The following BAZ2B variants were observed in gnomAD, a reference collection of about 807,000 sequenced individuals.
The protein encoded by BAZ2B is bromodomain adjacent to zinc finger domain 2B.
Under a neutral mutation model 246.0 loss-of-function variants are expected in BAZ2B, and 91 were observed. The observed-to-expected ratio is 0.37, with a 90% CI of 0.31 to 0.44. BAZ2B has a LOEUF of 0.44. Among genes scored for constraint, BAZ2B ranks in the 20% least tolerant of loss-of-function variants. The pLI is 1.00. For missense variants in BAZ2B, 2,332 were observed against 2,533.7 expected, an observed-to-expected ratio of 0.92 and a Z score of 1.71; for synonymous variants, 855 against 860.0, an observed-to-expected ratio of 0.99 and a Z score of 0.10.
chr2:159,484,139 A>T (rs1223003288), intron 2 of BAZ2B, among the ~76,000 whole-genome samples: 1 of 152,210 alleles, frequency 6.6e-6, no homozygotes, highest in African/African-American at 2.4e-5. Flanking sequence ...AATGGACAAG[A>T]AGAACAGTCT....
intron 2 of BAZ2B, among the ~76,000 whole-genome samples, chr2:159,509,137 T>C (rs1377854142): frequency 6.6e-6 from 1 of 152,072 alleles, no homozygotes; most frequent in Non-Finnish European, 1.5e-5. Context: ...CTCTCACTTA[T>C]AAAATATAAA....
At chr2:159,513,749 G>A (rs766223632) in intron 2 of BAZ2B, among the ~76,000 whole-genome samples, 1 of 152,092 alleles carries the variant, frequency 6.6e-6, no homozygotes, top group South Asian at 2.1e-4. Flanking sequence ...CTAACTGGTG[G>A]TCCATGACTC....
chr2:159,655,081 A>C, the BAZ2B span, among the ~76,000 whole-genome samples: 1 of 152,160 alleles, frequency 6.6e-6, no homozygotes, highest in Non-Finnish European at 1.5e-5. Flanking sequence ...CAATTAGTAC[A>C]GTGTAAGGAA....
intron 1 of BAZ2B, among the ~76,000 whole-genome samples, chr2:159,568,333 C>T (rs971460322): frequency 5.9e-5 from 9 of 151,966 alleles, no homozygotes; most frequent in African/African-American, 1.9e-4. Context: ...AGCATGCAGC[C>T]TTTCAACAAA....
In BAZ2B at chr2:159,564,612, ATAAT is replaced by A. The variant is rs1270873119; in HGVS notation, c.-45-8751_-45-8748del. On this transcript the variant is annotated intron_variant, in intron 1 of 36. Transcript: ENST00000392783. ...ATGACTAAACAAGAAAAAAAACAGA[ATAAT>A]TAAGGATGATTCCAAGGTTTTGGTC... Among the ~76,000 whole-genome samples the A allele has an allele frequency of 6.6e-5, 10 of 152,202 alleles. No individual in the cohort carries two copies. In the East Asian group the frequency reaches 9.6e-4, roughly 15 times the overall value.
At chr2:159,607,925 T>C (rs569073843) in intron 1 of BAZ2B, among the ~76,000 whole-genome samples, 5 of 152,330 alleles carry the variant, frequency 3.3e-5, no homozygotes, top group African/African-American at 9.6e-5. Context: ...GCTTAAAGAA[T>C]GAAGGTAGAT....
chr2:159,350,457 T>A, intron 27 of BAZ2B, 100 bp from the exon 28 acceptor site: 1 of 1,192,186 alleles, frequency 8.4e-7, no homozygotes, highest in Non-Finnish European at 1.1e-6. Context: ...GCATAAATAC[T>A]TAAACTTTTC....
the BAZ2B span, among the ~76,000 whole-genome samples, chr2:159,624,591 G>A: frequency 2.0e-5 from 3 of 152,318 alleles, no homozygotes; most frequent in East Asian, 1.9e-4. Flanking sequence ...CAGCAGAGGG[G>A]CCTGACTGTT....
chr2:159,384,690 T>A (rs1303055388), intron 23 of BAZ2B, among the ~76,000 whole-genome samples: 1 of 151,616 alleles, frequency 6.6e-6, no homozygotes, highest in African/African-American at 2.4e-5. Context: ...AATACACTGA[T>A]AAATAAATAC....
chr2:159,333,088 C>T (rs2065046721), intron 33 of BAZ2B: 1 of 153,384 alleles, frequency 6.5e-6, no homozygotes. Flanking sequence ...TCATGATATC[C>T]TGAGAAAGAA....
In BAZ2B at chr2:159,519,210, C is replaced by CTTTTTTTTTTTTTTTTTTTT. The variant is rs564614568; in HGVS notation, c.-3+36593_-3+36612dup. ...AAATTCCAACTTCATATTCTATTTT[C>CTTTTTTTTTTTTTTTTTTTT]TTTTTTTTTTTTTTTTTTTTTTTTT... is the stretch of plus-strand genomic sequence containing the variant. On this transcript the variant is annotated intron_variant, in intron 2 of 36. Coordinates refer to ENST00000392783, the MANE Select transcript of BAZ2B (RefSeq NM_013450.4). Among the ~76,000 whole-genome samples, 22 of 57,770 alleles carry CTTTTTTTTTTTTTTTTTTTT rather than the reference C, an allele frequency of 3.8e-4. 3 individuals carry two copies. Among genetic ancestry groups the CTTTTTTTTTTTTTTTTTTTT allele is most frequent in the Non-Finnish European group, 7.4e-4 (22 of 29,640 alleles). The allele number at this position is 57,770 out of a possible 152,430, so 37.9% of individuals were successfully genotyped here.
At chr2:159,531,932 T>C (rs1193890779) in intron 2 of BAZ2B, among the ~76,000 whole-genome samples, 3 of 152,246 alleles carry the variant, frequency 2.0e-5, no homozygotes, top group African/African-American at 2.4e-5. Flanking sequence ...CACTTACATA[T>C]ACTTTCCTAT....
intron 3 of BAZ2B, among the ~76,000 whole-genome samples, chr2:159,469,724 AGCCACCAT>A (rs1342243161): frequency 2.6e-5 from 4 of 152,144 alleles, no homozygotes; most frequent in Non-Finnish European, 4.4e-5. Flanking sequence ...TACAGGCATG[AGCCACCAT>A]GCCCGGCCTA....
intron 20 of BAZ2B, among the ~76,000 whole-genome samples, chr2:159,391,791 A>G (rs1247196525): frequency 6.6e-6 from 1 of 152,202 alleles, no homozygotes; most frequent in African/African-American, 2.4e-5. Flanking sequence ...TATTTATGAT[A>G]AAATGGAGAT....
rs55772369 is a variant in BAZ2B, at chr2:159,370,168, C to T, written c.4213+2877G>A. Among the ~76,000 whole-genome samples, 825 of 151,942 alleles carry T rather than the reference C, an allele frequency of 5.4e-3. 7 individuals carry two copies. The highest frequency in any genetic ancestry group is 0.013 in the South Asian group (62 of 4,806). ...GGGAACATCACACACTGGGGCCTGT[C>T]GTGGGGTGGTGGGAGAGGGGAGGGA... is the stretch of plus-strand genomic sequence containing the variant. On this transcript the variant is annotated intron_variant, in intron 27 of 36. Coordinates refer to ENST00000392783, the MANE Select transcript of BAZ2B (RefSeq NM_013450.4).
the BAZ2B span, among the ~76,000 whole-genome samples, chr2:159,628,676 G>A: frequency 0.065 from 9,955 of 152,094 alleles, 451 homozygotes; most frequent in East Asian, 0.23. Flanking sequence ...AACTCAAGAC[G>A]GATTAAAGAC....
the BAZ2B span, among the ~76,000 whole-genome samples, chr2:159,667,897 C>A: frequency 6.6e-6 from 1 of 151,784 alleles, no homozygotes; most frequent in Non-Finnish European, 1.5e-5. Context: ...TTGATTTTAC[C>A]ATCAGCTTTT....
intron 2 of BAZ2B, among the ~76,000 whole-genome samples, chr2:159,538,338 G>C (rs1189598003): frequency 1.3e-5 from 2 of 152,278 alleles, no homozygotes; most frequent in East Asian, 3.9e-4. Flanking sequence ...CTGTATATAT[G>C]AAATATTTGC....
Position 159,382,676 on chromosome 2 carries a change from G to A in BAZ2B, c.3888C>T (p.Asp1296=). ...PGRKRRRKGG[D]SDYDDDDDDD... ...CGTCATCATCATCGTCATAATCACT[G>A]TCTCCTCCCTTCCTTCTTCGCTTGC... Residue 1296 remains aspartate (D), a synonymous_variant, in exon 25 of 37, where the codon GAC becomes GAT. Coordinates refer to ENST00000392783, the MANE Select transcript of BAZ2B (RefSeq NM_013450.4). 3.1e-6 allele frequency: 5 copies of A among 1,608,678 alleles called. No individual in the cohort carries two copies. Among genetic ancestry groups the A allele is most frequent in the Non-Finnish European group, 4.2e-6 (5 of 1,177,158 alleles).
Sources: allele counts gnomAD v4.1 joint callset (sites outside exome capture counted in the v4.1 genomes callset), GRCh38; gene constraint gnomAD v4.1.1; transcripts MANE v1.5; gene names NCBI Gene and HGNC (gene_info 2026-07-23, HGNC 2026-07-21).